Variants in CNBD1 observed in about 807,000 individuals in gnomAD.
CNBD1 encodes cyclic nucleotide binding domain containing 1, also known as cyclic nucleotide-binding domain-containing protein 1.
CNBD1 carries 71 observed loss-of-function variants against 54.4 expected under a neutral mutation model. The observed-to-expected ratio is 1.30, with a 90% CI of 1.08 to 1.59. CNBD1 has a LOEUF of 1.59. CNBD1 is among the 40% of genes most tolerant of loss of function. The pLI, the probability that CNBD1 is intolerant of heterozygous loss-of-function variation, is 0.00. For missense variants in CNBD1, 659 were observed against 518.0 expected, an observed-to-expected ratio of 1.27 and a Z score of -2.64; for synonymous variants, 182 against 170.7, an observed-to-expected ratio of 1.07 and a Z score of -0.51.
chr8:87,289,079 T>A (rs1808743309), intron 8 of CNBD1, among the ~76,000 whole-genome samples: 1 of 152,082 alleles, frequency 6.6e-6, no homozygotes, highest in Admixed American at 6.6e-5. Context: ...AGAATGTAGC[T>A]CAAATTACAC....
In CNBD1 at chr8:87,366,225, T is replaced by C. The variant is rs575620601; in HGVS notation, c.1303+12439T>C. 3.9e-3 allele frequency among the ~76,000 whole-genome samples: 589 copies of C among 152,210 alleles called. 6 individuals are homozygous for C. The highest frequency in any genetic ancestry group is 0.014 in the African/African-American group (564 of 41,562). On this transcript the variant is annotated intron_variant, in intron 10 of 10. Transcript: ENST00000518476. ...TGCGTTCTATTCTTAGAGTTTCACA[T>C]GGCTAAAATCTAAGTGTTGGCCAAG... is the stretch of plus-strand genomic sequence containing the variant.
chr8:86,943,106 G>C (rs759854293), intron 4 of CNBD1, among the ~76,000 whole-genome samples: 1 of 151,500 alleles, frequency 6.6e-6, no homozygotes, highest in East Asian at 1.9e-4. Context: ...ATGCAGGCTG[G>C]GCGCAGTGGC....
chr8:87,330,706 G>A (rs541782556), intron 8 of CNBD1, among the ~76,000 whole-genome samples: 23 of 152,264 alleles, frequency 1.5e-4, no homozygotes, highest in Non-Finnish European at 2.5e-4. Context: ...GGGCTGAAAT[G>A]TGGTGTATCT....
At chr8:87,392,461 A>T (rs1286286352) in intron 2 of CNBD1, among the ~76,000 whole-genome samples, 1 of 152,080 alleles carries the variant, frequency 6.6e-6, no homozygotes, top group African/African-American at 2.4e-5. Flanking sequence ...CATATTCTGG[A>T]ATATTCAGCA....
At chr8:87,169,412 T>A (rs1813038732) in intron 4 of CNBD1, among the ~76,000 whole-genome samples, 1 of 152,134 alleles carries the variant, frequency 6.6e-6, no homozygotes, top group Non-Finnish European at 1.5e-5. Flanking sequence ...TTTAACTTGA[T>A]GTGATTCCGT....
At chr8:87,030,349 T>C (rs1041512321) in intron 4 of CNBD1, among the ~76,000 whole-genome samples, 2 of 152,204 alleles carry the variant, frequency 1.3e-5, no homozygotes, top group African/African-American at 4.8e-5. Context: ...AAATAAGCAT[T>C]AAAACAGAAG....
At chr8:87,067,321 A>G (rs1202429321) in intron 4 of CNBD1, among the ~76,000 whole-genome samples, 1 of 151,976 alleles carries the variant, frequency 6.6e-6, no homozygotes, top group African/African-American at 2.4e-5. Context: ...ATGCCTTAAA[A>G]ATGCAGTTCC....
At chr8:87,033,896 C>A (rs546402918) in intron 4 of CNBD1, among the ~76,000 whole-genome samples, 1 of 152,018 alleles carries the variant, frequency 6.6e-6, no homozygotes, top group South Asian at 2.1e-4. Flanking sequence ...TTTCTTTCAC[C>A]TTTCTTTTGC....
At chr8:86,873,645 A>G (rs937332709) in intron 1 of CNBD1, among the ~76,000 whole-genome samples, 2 of 152,068 alleles carry the variant, frequency 1.3e-5, no homozygotes, top group South Asian at 2.1e-4. Context: ...AAACAAATCC[A>G]TAAGTAAATA....
At chr8:87,248,413 T>G (rs565044608) in intron 6 of CNBD1, among the ~76,000 whole-genome samples, 5 of 152,314 alleles carry the variant, frequency 3.3e-5, no homozygotes, top group African/African-American at 9.6e-5. Flanking sequence ...AGCAATGCAG[T>G]TAGCCACTAA....
intron 4 of CNBD1, among the ~76,000 whole-genome samples, chr8:87,016,584 G>T (rs1368705209): frequency 6.6e-6 from 1 of 151,934 alleles, no homozygotes; most frequent in East Asian, 1.9e-4. Context: ...TTAAGGAATT[G>T]TTTCATTTTG....
intron 2 of CNBD1, among the ~76,000 whole-genome samples, chr8:87,410,944 A>C (rs1361363264): frequency 6.7e-6 from 1 of 149,926 alleles, no homozygotes; most frequent in African/African-American, 2.5e-5. Context: ...TTTAGCAAGA[A>C]AGTATTTTTT....
At chr8:86,987,024 A>G (rs1738155799) in intron 4 of CNBD1, among the ~76,000 whole-genome samples, 1 of 152,126 alleles carries the variant, frequency 6.6e-6, no homozygotes, top group Admixed American at 6.6e-5. Flanking sequence ...ATTCTAGAAT[A>G]GTGTTTTTCT....
intron 10 of CNBD1, among the ~76,000 whole-genome samples, chr8:87,360,544 A>G (rs1161027803): frequency 1.3e-5 from 2 of 151,866 alleles, no homozygotes; most frequent in Non-Finnish European, 3.0e-5. Flanking sequence ...AGAGCTTATT[A>G]CTCAAGTCAT....
intron 4 of CNBD1, among the ~76,000 whole-genome samples, chr8:86,990,163 G>T (rs1808713755): frequency 6.6e-6 from 1 of 152,072 alleles, no homozygotes; most frequent in African/African-American, 2.4e-5. Context: ...TTTTCACTTT[G>T]CTGATTGTTT....
At chr8:86,882,123 G>C (rs920392215) in intron 1 of CNBD1, among the ~76,000 whole-genome samples, 1 of 152,130 alleles carries the variant, frequency 6.6e-6, no homozygotes, top group Admixed American at 6.5e-5. Flanking sequence ...CATGGGCAAA[G>C]ATTTCATGAT....
At chr8:87,414,290 C>T (rs1586087919) in intron 2 of CNBD1, among the ~76,000 whole-genome samples, 1 of 152,204 alleles carries the variant, frequency 6.6e-6, no homozygotes, top group East Asian at 1.9e-4. Context: ...CCAAACACCA[C>T]ATGTTCTCAC....
rs964389802 is a variant in CNBD1, at chr8:87,363,912, T to A, written c.1303+10126T>A. On this transcript the variant is annotated intron_variant, in intron 10 of 10. Coordinates refer to ENST00000518476, the MANE Select transcript of CNBD1 (RefSeq NM_173538.3). ...TGTTGTCATTGCTTTTGGTGTTTTATTCATGAAGTCCTTGCCCATGCCTAT... is the reference window on the plus strand; with the variant it reads ...TGTTGTCATTGCTTTTGGTGTTTTAATCATGAAGTCCTTGCCCATGCCTAT... 4.6e-5 allele frequency among the ~76,000 whole-genome samples: 7 copies of A among 152,012 alleles called. 1 individual carries two copies. The East Asian group carries it at 1.2e-3, about 25-fold the overall frequency.
intron 4 of CNBD1, among the ~76,000 whole-genome samples, chr8:87,030,835 TC>T (rs1173133972): frequency 1.2e-5 from 1 of 80,694 alleles, no homozygotes; most frequent in Non-Finnish European, 2.3e-5. Flanking sequence ...CCTCCCCTTC[TC>T]CCCCCTCCCC....
Sources: gnomAD v4.1 joint callset for allele counts (sites outside exome capture counted in the v4.1 genomes callset) on GRCh38, gnomAD v4.1.1 for gene constraint, MANE v1.5 for transcripts, NCBI Gene and HGNC (gene_info 2026-07-23, HGNC 2026-07-21) for gene names.